Variants in PKD2L1 observed in about 807,000 individuals in gnomAD.
The protein encoded by PKD2L1 is polycystin 2 like 1, transient receptor potential cation channel.
In PKD2L1, 77 loss-of-function variants were observed where a neutral mutation model predicts 93.0. The observed-to-expected ratio is 0.83, with a 90% CI of 0.69 to 1.00. The LOEUF (loss-of-function observed/expected upper bound fraction) is 1.00. Among genes scored for constraint, PKD2L1 ranks in the 50% least tolerant of loss-of-function variants. The probability of loss-of-function intolerance (pLI) is 0.00; values close to 1 mark genes in which losing one functional copy is unlikely to be tolerated. For synonymous variants in PKD2L1, 390 were observed against 388.0 expected, an observed-to-expected ratio of 1.01 and a Z score of -0.06; for missense variants, 977 against 990.9, an observed-to-expected ratio of 0.99 and a Z score of 0.19.
In PKD2L1 at chr10:100,297,472, T is replaced by A; in HGVS notation, c.866A>T (p.Gln289Leu). The A allele has an allele frequency of 6.2e-7, 1 of 1,614,114 alleles. No individual in the cohort carries two copies. The highest frequency in any genetic ancestry group is 8.5e-7 in the Non-Finnish European group (1 of 1,179,992). The stretch of plus-strand genomic sequence containing the variant: ...GCCCCTGTCCAGCCACAGCCCCTCC[T>A]GAAGGGCCCGGAGAGCCTCTGCACT... ...QGSAEALRAL[Q>L]EGLWLDRGTR... The change falls in exon 5 of 16, where the codon CAG (glutamine) becomes CTG (leucine). Residue 289 changes from glutamine to leucine, a missense_variant. Transcript: ENST00000318222.
In PKD2L1 at chr10:100,292,947, C is replaced by A; in HGVS notation, c.1880+1G>T. 2 of 1,611,898 alleles carry A rather than the reference C, an allele frequency of 1.2e-6. No individual in the cohort carries two copies. Among genetic ancestry groups the A allele is most frequent in the Non-Finnish European group, 1.7e-6 (2 of 1,178,974 alleles). On this transcript the variant is annotated splice_donor_variant, in intron 11 of 15. Transcript: ENST00000318222. LOFTEE classifies it high-confidence loss of function. ...AGAAGGCTGGGTCTCTGGTTGCTCA[C>A]TCCCTTAAGGTGTTGGTGAAATCCT...
intron 2 of PKD2L1, among the ~76,000 whole-genome samples, chr10:100,311,720 AC>A (rs1848938529): frequency 6.6e-6 from 1 of 151,946 alleles, no homozygotes; most frequent in Non-Finnish European, 1.5e-5. Flanking sequence ...TTCCAACAAC[AC>A]TCTCCCTGGG....
Position 100,295,134 on chromosome 10 carries a change from C to T in PKD2L1, c.1357-11G>A. 6.2e-7 allele frequency: 1 copy of T among 1,609,458 alleles called. No individual in the cohort carries two copies. The highest frequency in any genetic ancestry group is 8.5e-7 in the Non-Finnish European group (1 of 1,176,682). On this transcript the variant is annotated splice_polypyrimidine_tract_variant and intron_variant, in intron 7 of 15. Transcript: ENST00000318222. ...GATGTACTTGAATATCTGGAAGGAC[C>T]ATGTTGAACCAAGGGATGAAGAAGG...
intron 2 of PKD2L1, among the ~76,000 whole-genome samples, chr10:100,315,428 C>A (rs1465201555): frequency 6.6e-6 from 1 of 152,072 alleles, no homozygotes; most frequent in Non-Finnish European, 1.5e-5. Flanking sequence ...CCTCCCCTTG[C>A]CCCCTACCCC....
intron 2 of PKD2L1, among the ~76,000 whole-genome samples, chr10:100,306,375 A>G (rs1193306282): frequency 6.6e-6 from 1 of 152,158 alleles, no homozygotes; most frequent in East Asian, 1.9e-4. Context: ...GAGAGTAGAA[A>G]GAGAAAAAAG....
At chr10:100,292,616 G>A (rs12241379) in intron 11 of PKD2L1, among the ~76,000 whole-genome samples, 14,848 of 152,230 alleles carry the variant, frequency 0.098, 760 homozygotes, top group African/African-American at 0.13. Context: ...ATGGCTAAAG[G>A]AATAGATGAG....
At chr10:100,322,562 G>A (rs1308998840) in intron 2 of PKD2L1, among the ~76,000 whole-genome samples, 1 of 152,104 alleles carries the variant, frequency 6.6e-6, no homozygotes, top group Non-Finnish European at 1.5e-5. Context: ...AAGAATGTAT[G>A]CATAAACACC....
chr10:100,288,978 C>T lies in PKD2L1; in HGVS notation c.2329G>A (p.Glu777Lys), dbSNP rs1227864338. ...PDPWGVQGGQESEVPYKREEE... is the reference protein window; with the variant it reads ...PDPWGVQGGQKSEVPYKREEE... ...TTTAGGCCCCCTTCCTCACCACTCT[C>T]CTGCCCACCCTGGACTCCCCAGGGG... Residue 777 changes from glutamate (E) to lysine (K), a missense_variant, in exon 15 of 16, where the codon GAG becomes AAG. Physicochemically the swap from Glu to Lys is moderately conservative, Grantham distance 56. Transcript: ENST00000318222. 1.2e-6 allele frequency: 2 copies of T among 1,602,538 alleles called. No homozygotes were observed. The highest frequency in any genetic ancestry group is 1.8e-4 in the Middle Eastern group (1 of 5,668).
rs1439102779 is a variant in PKD2L1, at chr10:100,314,966, G to A, written c.349+14245C>T. 6.9e-3 allele frequency among the ~76,000 whole-genome samples: 95 copies of A among 13,770 alleles called. 4 individuals are homozygous for A. The highest frequency in any genetic ancestry group is 0.019 in the African/African-American group (60 of 3,174). 9.0% of individuals were successfully genotyped at this position (13,770 alleles called of 152,430 possible). A position where few individuals can be genotyped will look rare whatever the true frequency, so the allele number is the denominator to read the frequency against. ...AGAAAAGAAAGAAAGAAAGAAAGAA[G>A]GAAGGAAGGAAGGAAGGAAGGAAGG... On this transcript the variant is annotated intron_variant, in intron 2 of 15. Coordinates refer to ENST00000318222, the MANE Select transcript of PKD2L1 (RefSeq NM_016112.3).
At chr10:100,321,760 G>C (rs749825002) in intron 2 of PKD2L1, among the ~76,000 whole-genome samples, 21 of 1,078 alleles carry the variant, frequency 0.019, 2 homozygotes, top group African/African-American at 0.05. Context: ...AGAAAGAAGG[G>C]AGGGAGGGAG....
Position 100,299,735 on chromosome 10 carries a change from G to T in PKD2L1, c.350-17C>A. 2.5e-6 allele frequency: 4 copies of T among 1,612,490 alleles called. No individual in the cohort carries two copies. The highest frequency in any genetic ancestry group is 1.7e-5 in the Admixed American group (1 of 60,026). ...CATAGGTCACTAGAAAACAACCCAAGAGGCTATGTCCTTCTCACTGTTCCC... is the reference window on the plus strand; with the variant it reads ...CATAGGTCACTAGAAAACAACCCAATAGGCTATGTCCTTCTCACTGTTCCC... On this transcript the variant is annotated splice_polypyrimidine_tract_variant and intron_variant, in intron 2 of 15. Transcript: ENST00000318222.
At chr10:100,295,248 T>C (rs998624096) in intron 7 of PKD2L1, 125 bp from the exon 8 acceptor site, 4 of 714,612 alleles carry the variant, frequency 5.6e-6, no homozygotes, top group African/African-American at 3.5e-5. Flanking sequence ...AGACACATAT[T>C]GAAGAAGGGA....
chr10:100,291,809 G>T (rs1317767894), intron 11 of PKD2L1, among the ~76,000 whole-genome samples: 1 of 152,034 alleles, frequency 6.6e-6, no homozygotes, highest in East Asian at 1.9e-4. Context: ...AATCCCTTCT[G>T]GCACCCTATT....
intron 2 of PKD2L1, among the ~76,000 whole-genome samples, chr10:100,318,043 G>A (rs1263785426): frequency 1.3e-5 from 2 of 151,738 alleles, no homozygotes; most frequent in African/African-American, 4.8e-5. Context: ...TTGCACCACT[G>A]CACTCCAGCC....
rs780735048 is a variant in PKD2L1 at position 100,297,208 on chromosome 10, C to T, written c.957G>A (p.Arg319=). 1.9e-6 allele frequency: 3 copies of T among 1,613,110 alleles called. No individual in the cohort carries two copies. Among genetic ancestry groups the T allele is most frequent in the Non-Finnish European group, 2.5e-6 (3 of 1,179,414 alleles). ...CTGTAGCTGGAAACTCCACCACCAGCCTATAGGGGGAGGGGGAGATGACCT... is the reference window on the plus strand; with the variant it reads ...CTGTAGCTGGAAACTCCACCACCAGTCTATAGGGGGAGGGGGAGATGACCT... The part of the protein sequence containing the change: ...NANINLFCVL[R]LVVEFPATGG... Residue 319 remains arginine (R), a splice_region_variant and synonymous_variant, in exon 6 of 16, where the codon AGG becomes AGA. Coordinates refer to ENST00000318222, the MANE Select transcript of PKD2L1 (RefSeq NM_016112.3).
intron 12 of PKD2L1, among the ~76,000 whole-genome samples, chr10:100,291,072 C>T (rs1463006669): frequency 6.6e-6 from 1 of 152,212 alleles, no homozygotes; most frequent in Non-Finnish European, 1.5e-5. Flanking sequence ...CTAGGCCCCA[C>T]ACCCAGAGAT....
chr10:100,288,750 C>T (rs1848335980), intron 15 of PKD2L1, among the ~76,000 whole-genome samples: 2 of 152,104 alleles, frequency 1.3e-5, no homozygotes, highest in South Asian at 2.1e-4. Flanking sequence ...CGTTATTTCA[C>T]AGAGCTATGT....
At chr10:100,301,509 T>C (rs1848674939) in intron 2 of PKD2L1, among the ~76,000 whole-genome samples, 1 of 151,306 alleles carries the variant, frequency 6.6e-6, no homozygotes, top group Non-Finnish European at 1.5e-5. Context: ...TAATATTCCT[T>C]ACTGGGGAAA....
intron 14 of PKD2L1, among the ~76,000 whole-genome samples, chr10:100,289,805 G>A (rs1848363440): frequency 6.6e-6 from 1 of 152,142 alleles, no homozygotes; most frequent in African/African-American, 2.4e-5. Flanking sequence ...CATCTCATGT[G>A]GCCAAGGCAG....
Sources: allele counts gnomAD v4.1 joint callset (sites outside exome capture counted in the v4.1 genomes callset), GRCh38; gene constraint gnomAD v4.1.1; transcripts MANE v1.5; gene names NCBI Gene and HGNC (gene_info 2026-07-23, HGNC 2026-07-21).